Variants in HELZ observed in about 807,000 individuals in gnomAD.
HELZ encodes the protein ATP-dependent RNA helicase with zinc finger domain.
Under a neutral mutation model 218.2 loss-of-function variants are expected in HELZ, and 23 were observed. The observed-to-expected ratio is 0.11, with a 90% CI of 0.08 to 0.15. HELZ has a LOEUF of 0.15. HELZ is among the 10% of genes least tolerant of loss of function. The probability of loss-of-function intolerance (pLI) is 1.00; values close to 1 mark genes in which losing one functional copy is unlikely to be tolerated. For synonymous variants in HELZ, 814 were observed against 829.4 expected, an observed-to-expected ratio of 0.98 and a Z score of 0.32; for missense variants, 1,813 against 2,353.7, an observed-to-expected ratio of 0.77 and a Z score of 4.75.
chr17:67,143,091 G>C (rs981045523), intron 21 of HELZ, among the ~76,000 whole-genome samples: 3 of 152,228 alleles, frequency 2.0e-5, no homozygotes, highest in African/African-American at 7.2e-5. Flanking sequence ...GATAAAAAGA[G>C]GTCATCCTGT....
intron 15 of HELZ, among the ~76,000 whole-genome samples, chr17:67,164,447 G>A (rs1011309959): frequency 1.3e-5 from 2 of 152,128 alleles, no homozygotes; most frequent in Non-Finnish European, 2.9e-5. Flanking sequence ...GAGGAGGCAA[G>A]GCTGCAGGAA....
chr17:67,189,226 AG>A (rs1162954339), intron 11 of HELZ, among the ~76,000 whole-genome samples: 1 of 152,198 alleles, frequency 6.6e-6, no homozygotes, highest in Non-Finnish European at 1.5e-5. Flanking sequence ...TATAAAAACA[AG>A]TTGTTATGGT....
intron 2 of HELZ, among the ~76,000 whole-genome samples, chr17:67,243,271 A>G (rs79579200): frequency 0.011 from 1,625 of 152,314 alleles, 30 homozygotes; most frequent in African/African-American, 0.037. Context: ...AATAATTATT[A>G]AAGAGAAAAG....
chr17:67,182,609 T>C (rs1019650340), intron 12 of HELZ, among the ~76,000 whole-genome samples: 9 of 152,220 alleles, frequency 5.9e-5, no homozygotes, highest in African/African-American at 2.2e-4. Flanking sequence ...CCCTGAGATG[T>C]GCTAGGCAAA....
intron 8 of HELZ, among the ~76,000 whole-genome samples, chr17:67,194,382 C>T (rs762553309): frequency 6.6e-6 from 1 of 152,098 alleles, no homozygotes; most frequent in Non-Finnish European, 1.5e-5. Context: ...GGATGTTTGT[C>T]TATCAGGAAT....
intron 24 of HELZ, among the ~76,000 whole-genome samples, chr17:67,127,868 T>C (rs1330733205): frequency 6.6e-6 from 1 of 152,100 alleles, no homozygotes; most frequent in African/African-American, 2.4e-5. Context: ...TTTACATTTT[T>C]TAAAGGAAGT....
rs1282765247 is a variant in HELZ, at chr17:67,188,613, C to G, written c.868G>C (p.Ala290Pro). The part of the protein sequence containing the change: ...TWTFALTCKP[A>P]RMLYRVALLY... ...AATGCTACACGATACAGCATTCTTG[C>G]AGGCTACAAGGAAGTTAAAATAATT... Residue 290 changes from alanine (A) to proline (P), a missense_variant, in exon 12 of 33, where the codon GCA (alanine) becomes CCA (proline). By Grantham distance (27) the Ala-to-Pro change is conservative. Around this residue, in one of 4 missense-constraint regions of HELZ, gnomAD observed 714 missense variants for 1,029.2 expected, o/e 0.69. Coordinates refer to ENST00000358691, the MANE Select transcript of HELZ (RefSeq NM_014877.4). The surrounding 1 kb of genome is among the most constrained non-coding windows in gnomAD (Gnocchi z 4.1). The G allele has an allele frequency of 6.2e-7, 1 of 1,611,676 alleles. No individual in the cohort carries two copies. The highest frequency in any genetic ancestry group is 1.3e-5 in the African/African-American group (1 of 74,994).
chr17:67,102,496 C>G (rs1598219453), intron 31 of HELZ, among the ~76,000 whole-genome samples: 1 of 152,134 alleles, frequency 6.6e-6, no homozygotes, highest in Non-Finnish European at 1.5e-5. Flanking sequence ...AACTGTTACA[C>G]TAACATCCAG....
At chr17:67,208,088 T>C (rs2040351970) in intron 5 of HELZ, among the ~76,000 whole-genome samples, 1 of 152,144 alleles carries the variant, frequency 6.6e-6, no homozygotes, top group Non-Finnish European at 1.5e-5. Context: ...TGCTATATGA[T>C]TCCATTTCTA....
At position 67,190,262 on chromosome 17, in the gene HELZ, T is replaced by C. The variant is rs1487452752; in HGVS notation, c.651A>G (p.Ser217=). ...TTTGCTGTTTCAATTTTATCAGCCG[T>C]GAAGCATATCTTTTCTGCCATTCTG... The part of the protein sequence containing the change: ...ELAEWQKRYA[S]RLIKLKQQNE... Residue 217 remains serine, a synonymous_variant, in exon 10 of 33, where the codon TCA becomes TCG. Coordinates refer to ENST00000358691, the MANE Select transcript of HELZ (RefSeq NM_014877.4). The C allele has an allele frequency of 1.9e-6, 3 of 1,614,026 alleles. No homozygotes were observed. The highest frequency in any genetic ancestry group is 2.5e-6 in the Non-Finnish European group (3 of 1,179,856).
intron 24 of HELZ, among the ~76,000 whole-genome samples, chr17:67,125,343 T>TATATACAC (rs1555605956): frequency 3.3e-5 from 2 of 61,398 alleles, no homozygotes; most frequent in African/African-American, 6.9e-5. Flanking sequence ...TATATATATA[T>TATATACAC]ATACTTGTGA....
rs566901114 is a variant in HELZ, at chr17:67,183,857, G to GA, written c.1162+4461dup. On this transcript the variant is annotated intron_variant, in intron 12 of 32. Transcript: ENST00000358691. ...CTGAACCCGAATCTCCCCAACAAGG[G>GA]AAAAAAAAAACTACAAAAAGCAAAA... 5.1e-3 allele frequency among the ~76,000 whole-genome samples: 735 copies of GA among 144,828 alleles called. 2 individuals are homozygous for GA. Among genetic ancestry groups the GA allele is most frequent in the Non-Finnish European group, 6.4e-3 (423 of 65,676 alleles).
chr17:67,106,833 A>C (rs2037118912), intron 31 of HELZ, among the ~76,000 whole-genome samples: 4 of 152,230 alleles, frequency 2.6e-5, no homozygotes. Flanking sequence ...ATTTATAATT[A>C]ACACATGTAA....
chr17:67,245,385 C>T (rs2041456653), upstream of HELZ: 1 of 788,176 alleles, frequency 1.3e-6, no homozygotes, highest in Non-Finnish European at 1.5e-6. Flanking sequence ...GAAAATTCAC[C>T]CGCATTTTTA....
At chr17:67,232,222 C>T (rs964321795) in intron 3 of HELZ, among the ~76,000 whole-genome samples, 3 of 151,944 alleles carry the variant, frequency 2.0e-5, no homozygotes, top group Non-Finnish European at 4.4e-5. Flanking sequence ...CAGCTCACTG[C>T]AACCTCCGCC....
At chr17:67,183,934 G>A (rs1179005652) in intron 12 of HELZ, among the ~76,000 whole-genome samples, 1 of 150,970 alleles carries the variant, frequency 6.6e-6, no homozygotes, top group Non-Finnish European at 1.5e-5. Context: ...AAAATGACTA[G>A]AGAAAAAAAA....
intron 9 of HELZ, among the ~76,000 whole-genome samples, chr17:67,191,504 C>G (rs918628958): frequency 8.6e-5 from 13 of 151,824 alleles, no homozygotes; most frequent in Admixed American, 2.0e-4. Context: ...CAGGCTAGAG[C>G]GCAGTGGCAC....
chr17:67,089,696 G>GAGAGAGAGAGACAGAGAC (rs34752223), intron 31 of HELZ, among the ~76,000 whole-genome samples: 5 of 122,700 alleles, frequency 4.1e-5, no homozygotes, highest in South Asian at 2.8e-4. Flanking sequence ...GAGAGAGAGA[G>GAGAGAGAGAGACAGAGAC]AGAGACAGAG....
At chr17:67,232,314 C>T (rs370109333) in intron 3 of HELZ, among the ~76,000 whole-genome samples, 32 of 151,994 alleles carry the variant, frequency 2.1e-4, no homozygotes, top group African/African-American at 6.7e-4. Context: ...CGGCTATGCC[C>T]GGCTAATTTT....
Sources: allele counts gnomAD v4.1 joint callset (sites outside exome capture counted in the v4.1 genomes callset), GRCh38; gene constraint gnomAD v4.1.1; regional missense constraint gnomAD v4.1.1; non-coding constraint Gnocchi (gnomAD v3.1); transcripts MANE v1.5; gene names NCBI Gene and HGNC (gene_info 2026-07-23, HGNC 2026-07-21).